CSMD1: variants seen among roughly 807,000 people sequenced by gnomAD.
The protein encoded by CSMD1 is CUB and sushi domain-containing protein 1.
CSMD1 carries 213 observed loss-of-function variants against 417.5 expected under a neutral mutation model. That is an observed-to-expected ratio of 0.51 (90% confidence interval 0.46 to 0.57). The LOEUF is 0.57. Among genes scored for constraint, CSMD1 ranks in the 20% least tolerant of loss-of-function variants. CSMD1 has a pLI of 0.00. For synonymous variants in CSMD1, 2,862 were observed against 1,736.8 expected (o/e 1.65, Z -16.11); for missense variants, 6,923 against 4,529.7 (o/e 1.53, Z -15.17).
chr8:4,199,540 G>T (rs1274170572), intron 3 of CSMD1, among the ~76,000 whole-genome samples: 1 of 152,118 alleles, frequency 6.6e-6, no homozygotes, highest in Non-Finnish European at 1.5e-5. Flanking sequence ...CATCAGTATT[G>T]AATCCTCTCG....
At chr8:4,555,935 G>T (rs965698331) in intron 2 of CSMD1, among the ~76,000 whole-genome samples, 1 of 152,006 alleles carries the variant, frequency 6.6e-6, no homozygotes, top group Non-Finnish European at 1.5e-5. Context: ...CTTTTCAACA[G>T]TTCCTTACTT....
Position 2,991,535 on chromosome 8 carries a change from A to G in CSMD1, c.8377+6476T>C, listed in dbSNP as rs1165401642. ...AGAAGAGAAAACATTTCTTTAAAAA[A>G]CAACCTGGAATTTGAATTTTTTTAA... On this transcript the variant is annotated intron_variant, in intron 54 of 69. Coordinates refer to ENST00000635120, the MANE Select transcript of CSMD1 (RefSeq NM_033225.6). Among the ~76,000 whole-genome samples the G allele has an allele frequency of 3.3e-5, 5 of 152,242 alleles. No homozygotes were observed. In the East Asian group the frequency reaches 9.6e-4, roughly 29 times the overall value.
chr8:3,904,243 G>A (rs1304274481), intron 5 of CSMD1, among the ~76,000 whole-genome samples: 1 of 152,162 alleles, frequency 6.6e-6, no homozygotes, highest in Non-Finnish European at 1.5e-5. Context: ...TTAGGGTAGA[G>A]ACGAATAGCA....
At chr8:4,511,623 A>G (rs1038576720) in intron 2 of CSMD1, among the ~76,000 whole-genome samples, 2 of 152,136 alleles carry the variant, frequency 1.3e-5, no homozygotes, top group African/African-American at 4.8e-5. Context: ...ACAGGGAACT[A>G]CAGAAAGTGA....
At chr8:4,463,750 G>A (rs1282847960) in intron 2 of CSMD1, among the ~76,000 whole-genome samples, 2 of 152,158 alleles carry the variant, frequency 1.3e-5, no homozygotes, top group African/African-American at 4.8e-5. Flanking sequence ...GTGGGGCTGA[G>A]GGAAAATAGT....
chr8:4,234,102 T>C (rs975856803), intron 3 of CSMD1, among the ~76,000 whole-genome samples: 1 of 152,136 alleles, frequency 6.6e-6, no homozygotes, highest in African/African-American at 2.4e-5. Flanking sequence ...CACAAGTACA[T>C]CAAGTGCTAC....
intron 13 of CSMD1, among the ~76,000 whole-genome samples, chr8:3,408,552 A>T (rs1235025910): frequency 6.6e-6 from 1 of 151,386 alleles, no homozygotes. Flanking sequence ...CAGAAGAGCA[A>T]ATATTAATAT....
chr8:3,273,191 A>G (rs1246237760), intron 26 of CSMD1, among the ~76,000 whole-genome samples: 2 of 150,766 alleles, frequency 1.3e-5, no homozygotes, highest in Admixed American at 6.6e-5. Context: ...TGAGATAATC[A>G]TGTGGTTTTT....
Position 3,219,399 on chromosome 8 carries a change from C to T in CSMD1, c.4528G>A (p.Gly1510Arg). 6.4e-7 allele frequency: 1 copy of T among 1,560,624 alleles called. No homozygotes were observed. Among genetic ancestry groups the T allele is most frequent in the East Asian group, 2.3e-5 (1 of 42,722 alleles). Residue 1510 changes from glycine to arginine, a missense_variant, in exon 29 of 70, where the codon GGG becomes AGG. By Grantham distance (125) the Gly-to-Arg change is moderately radical. Coordinates refer to ENST00000635120, the MANE Select transcript of CSMD1 (RefSeq NM_033225.6). ...PSYDFLHIYE[G>R]EDSNSPLIGS... ...ATGAGGGGGCTGTTGGAATCTTCCCCTTCATAGATGTGTAGGAAGTCATAG... is the reference window on the plus strand; with the variant it reads ...ATGAGGGGGCTGTTGGAATCTTCCCTTTCATAGATGTGTAGGAAGTCATAG...
chr8:3,653,002 C>T (rs1456737337), intron 7 of CSMD1, among the ~76,000 whole-genome samples: 1 of 152,100 alleles, frequency 6.6e-6, no homozygotes, highest in Non-Finnish European at 1.5e-5. Flanking sequence ...ACTATTAATG[C>T]CACTCAAATT....
intron 3 of CSMD1, among the ~76,000 whole-genome samples, chr8:4,227,527 A>G (rs963521175): frequency 1.3e-5 from 2 of 151,968 alleles, no homozygotes; most frequent in African/African-American, 4.8e-5. Context: ...CACATTATAG[A>G]CCTAACTGAG....
At chr8:3,036,666 G>A (rs1039670952) in intron 50 of CSMD1, among the ~76,000 whole-genome samples, 4 of 152,088 alleles carry the variant, frequency 2.6e-5, no homozygotes, top group Admixed American at 2.6e-4. Context: ...GACAACTTTG[G>A]TTTGGGTAAA....
intron 2 of CSMD1, among the ~76,000 whole-genome samples, chr8:4,502,734 G>C (rs567684588): frequency 3.7e-3 from 561 of 152,134 alleles, no homozygotes; most frequent in Middle Eastern, 0.01. Flanking sequence ...GCAGATCTTT[G>C]CTTTTATTTG....
chr8:4,661,885 T>G (rs566422411), intron 1 of CSMD1, among the ~76,000 whole-genome samples: 1 of 152,318 alleles, frequency 6.6e-6, no homozygotes, highest in South Asian at 2.1e-4. Flanking sequence ...GGTAGCATGC[T>G]GAGACAAGAA....
intron 3 of CSMD1, among the ~76,000 whole-genome samples, chr8:4,160,383 T>C (rs533709595): frequency 1.3e-5 from 2 of 152,330 alleles, no homozygotes; most frequent in African/African-American, 4.8e-5. Context: ...AAATTTGGTG[T>C]TATGTTGACA....
At chr8:4,632,285 G>A (rs1021480617) in intron 2 of CSMD1, among the ~76,000 whole-genome samples, 4 of 152,070 alleles carry the variant, frequency 2.6e-5, no homozygotes, top group African/African-American at 9.7e-5. Context: ...GGCCGAGGTG[G>A]GCAGATCACC....
intron 3 of CSMD1, among the ~76,000 whole-genome samples, chr8:4,129,088 A>G (rs555007796): frequency 6.6e-6 from 1 of 150,934 alleles, no homozygotes; most frequent in Non-Finnish European, 1.5e-5. Flanking sequence ...AAAAAAAAAA[A>G]AAAACAAAAC....
Position 4,586,573 on chromosome 8 carries a change from T to G in CSMD1, c.302+50769A>C, listed in dbSNP as rs541161584. 3.9e-5 allele frequency among the ~76,000 whole-genome samples: 6 copies of G among 152,340 alleles called. No individual in the cohort carries two copies. The South Asian group carries it at 1.2e-3, about 32-fold the overall frequency. ...TATGGACGTAACCTTTTTAGCATTT[T>G]TTTTGATGCTTTATTTTCTCTAGGA... On this transcript the variant is annotated intron_variant, in intron 2 of 69. Coordinates refer to ENST00000635120, the MANE Select transcript of CSMD1 (RefSeq NM_033225.6).
chr8:3,966,535 T>C (rs1320705179), intron 5 of CSMD1, among the ~76,000 whole-genome samples: 1 of 152,188 alleles, frequency 6.6e-6, no homozygotes, highest in Non-Finnish European at 1.5e-5. Context: ...TTGTATTCTT[T>C]TGTTTCAGGT....
Sources: allele counts gnomAD v4.1 joint callset (sites outside exome capture counted in the v4.1 genomes callset), GRCh38; gene constraint gnomAD v4.1.1; transcripts MANE v1.5; gene names NCBI Gene and HGNC (gene_info 2026-07-23, HGNC 2026-07-21).